The following TSGA10 variants were observed in gnomAD, a reference collection of about 807,000 sequenced individuals.
The protein encoded by TSGA10 is testis-specific gene 10 protein.
TSGA10 carries 43 observed loss-of-function variants against 96.6 expected under a neutral mutation model. The observed-to-expected ratio is 0.44, with a 90% CI of 0.35 to 0.57. TSGA10 has a LOEUF of 0.57. Among genes scored for constraint, TSGA10 ranks in the 20% least tolerant of loss-of-function variants. The pLI is 0.01. For synonymous variants in TSGA10, 229 were observed against 269.9 expected (o/e 0.85, Z 1.48); for missense variants, 703 against 834.4 (o/e 0.84, Z 1.94).
chr2:99,043,154 C>G (rs764150954), intron 16 of TSGA10, among the ~76,000 whole-genome samples: 1 of 142,962 alleles, frequency 7.0e-6, no homozygotes, highest in Non-Finnish European at 1.5e-5. Context: ...GACAATGTCT[C>G]ATCAAATAAA....
intron 20 of TSGA10, among the ~76,000 whole-genome samples, chr2:99,017,541 G>A (rs867287143): frequency 5.3e-5 from 8 of 151,990 alleles, no homozygotes; most frequent in African/African-American, 1.7e-4. Flanking sequence ...CGAGGCAGGC[G>A]GATCACGAGG....
At chr2:99,082,383 T>C (rs2087636408) in intron 10 of TSGA10, among the ~76,000 whole-genome samples, 1 of 152,178 alleles carries the variant, frequency 6.6e-6, no homozygotes, top group African/African-American at 2.4e-5. Context: ...TCCCCTCCCC[T>C]TCCTAAACTA....
intron 12 of TSGA10, among the ~76,000 whole-genome samples, chr2:99,075,169 T>C (rs2086551393): frequency 6.6e-6 from 1 of 152,334 alleles, no homozygotes; most frequent in East Asian, 1.9e-4. Flanking sequence ...ATTTCTCAAA[T>C]GTGCCATCAT....
intron 17 of TSGA10, among the ~76,000 whole-genome samples, chr2:99,030,291 G>C: frequency 6.6e-6 from 1 of 152,124 alleles, no homozygotes; most frequent in Middle Eastern, 3.4e-3. Flanking sequence ...AGGTTGCAGT[G>C]AGCCAAGATA....
intron 16 of TSGA10, among the ~76,000 whole-genome samples, chr2:99,052,693 G>A (rs1021276969): frequency 7.9e-5 from 12 of 151,632 alleles, no homozygotes; most frequent in South Asian, 2.1e-4. Context: ...AGCCAAGATC[G>A]CGCCACTGCA....
intron 16 of TSGA10, among the ~76,000 whole-genome samples, chr2:99,047,864 T>G (rs2082959043): frequency 6.6e-6 from 1 of 152,200 alleles, no homozygotes; most frequent in African/African-American, 2.4e-5. Context: ...ATAAGCAACT[T>G]CAGCAAAGTC....
At chr2:99,034,502 C>T (rs139975993) in intron 17 of TSGA10, among the ~76,000 whole-genome samples, 20 of 152,276 alleles carry the variant, frequency 1.3e-4, no homozygotes, top group African/African-American at 4.3e-4. Flanking sequence ...ATCTTCTATA[C>T]ATACCCCTTT....
At chr2:99,123,418 G>A (rs1423787791) in intron 2 of TSGA10, among the ~76,000 whole-genome samples, 3 of 151,882 alleles carry the variant, frequency 2.0e-5, no homozygotes, top group Admixed American at 6.6e-5. Flanking sequence ...TTCACATTAG[G>A]TAATTATTTT....
chr2:99,145,207 A>G (rs2093619804), intron 1 of TSGA10, among the ~76,000 whole-genome samples: 1 of 152,080 alleles, frequency 6.6e-6, no homozygotes, highest in South Asian at 2.1e-4. Flanking sequence ...ATGGCCAGTC[A>G]AGTCCTCCTC....
At position 98,998,165 on chromosome 2, in the gene TSGA10, T is replaced by A; in HGVS notation, c.*32A>T. The A allele has an allele frequency of 6.3e-7, 1 of 1,586,108 alleles. No individual in the cohort carries two copies. The highest frequency in any genetic ancestry group is 8.5e-7 in the Non-Finnish European group (1 of 1,170,020). On this transcript the variant is annotated 3_prime_UTR_variant, in exon 21 of 21. Coordinates refer to ENST00000393483, the MANE Select transcript of TSGA10 (RefSeq NM_025244.4). ...AAAAAATCAGTTTGTAACTTTGACC[T>A]TTCTCAGGGATGTGAAGAATCATTT... is the stretch of plus-strand genomic sequence containing the variant.
At chr2:99,087,491 A>T (rs1423857065) in intron 10 of TSGA10, among the ~76,000 whole-genome samples, 1 of 152,188 alleles carries the variant, frequency 6.6e-6, no homozygotes, top group East Asian at 1.9e-4. Flanking sequence ...CGGCAACAAA[A>T]GTAAAACGCC....
chr2:99,055,090 G>C (rs2083821637), intron 16 of TSGA10, among the ~76,000 whole-genome samples: 1 of 152,168 alleles, frequency 6.6e-6, no homozygotes, highest in African/African-American at 2.4e-5. Flanking sequence ...CAATAGCCAA[G>C]ATATGGAATC....
intron 4 of TSGA10, among the ~76,000 whole-genome samples, chr2:99,116,934 A>G (rs1397150561): frequency 1.3e-5 from 2 of 152,196 alleles, no homozygotes; most frequent in Non-Finnish European, 2.9e-5. Flanking sequence ...TAAATTGTTA[A>G]TGATAGTCAC....
intron 12 of TSGA10, among the ~76,000 whole-genome samples, chr2:99,073,280 T>A (rs1279378933): frequency 6.6e-6 from 1 of 152,190 alleles, no homozygotes; most frequent in African/African-American, 2.4e-5. Flanking sequence ...TTCATTAAAG[T>A]AAAGGCTATA....
chr2:99,038,491 G>A (rs1016604530), intron 16 of TSGA10, among the ~76,000 whole-genome samples: 4 of 152,060 alleles, frequency 2.6e-5, no homozygotes, highest in East Asian at 1.9e-4. Context: ...AACCAAAAGC[G>A]AGCAGGAGTA....
At chr2:99,128,507 A>ATGTT (rs1297290622) in intron 1 of TSGA10, among the ~76,000 whole-genome samples, 24 of 152,300 alleles carry the variant, frequency 1.6e-4, no homozygotes, top group Middle Eastern at 3.4e-3. Flanking sequence ...TCATCTGGGA[A>ATGTT]TGTTGTGTGA....
Position 99,018,219 on chromosome 2 carries a change from G to A in TSGA10, c.2053C>T (p.Leu685=), listed in dbSNP as rs777085111. 1.9e-6 allele frequency: 3 copies of A among 1,613,744 alleles called. No homozygotes were observed. The highest frequency in any genetic ancestry group is 2.5e-6 in the Non-Finnish European group (3 of 1,179,992). The stretch of plus-strand genomic sequence containing the variant: ...ACTCACTCTTCTAATGATCGATCTA[G>A]GCCTCGGTCAGGAGATCGATGGTGA... The part of the protein sequence containing the change: ...RAHHRSPDRG[L]DRSLEENLCY... Residue 685 remains leucine, a synonymous_variant, in exon 20 of 21, where the codon CTA becomes TTA. Coordinates refer to ENST00000393483, the MANE Select transcript of TSGA10 (RefSeq NM_025244.4).
chr2:99,090,277 C>A (rs2089154179), intron 10 of TSGA10, among the ~76,000 whole-genome samples: 1 of 152,100 alleles, frequency 6.6e-6, no homozygotes. Flanking sequence ...GCCCCTGAGC[C>A]CCAGATCTTC....
At chr2:99,132,485 AT>A (rs1454231647) in intron 1 of TSGA10, among the ~76,000 whole-genome samples, 3 of 151,854 alleles carry the variant, frequency 2.0e-5, no homozygotes, top group Non-Finnish European at 4.4e-5. Context: ...CTCCTTTATC[AT>A]TTTTTATTGT....
Sources: allele counts gnomAD v4.1 joint callset (sites outside exome capture counted in the v4.1 genomes callset), GRCh38; gene constraint gnomAD v4.1.1; transcripts MANE v1.5; gene names NCBI Gene and HGNC (gene_info 2026-07-23, HGNC 2026-07-21).